The following CCN6 variants were observed in gnomAD, a reference collection of about 807,000 sequenced individuals.
The protein encoded by CCN6 is cellular communication network factor 6, also known as CCN family member 6.
Under a neutral mutation model 37.4 loss-of-function variants are expected in CCN6, and 31 were observed. The ratio of observed to expected loss-of-function variants is 0.83; its 90% CI spans 0.62 to 1.12. The LOEUF is 1.12. CCN6 is among the 50% of genes most tolerant of loss of function. CCN6 has a pLI of 0.00. For synonymous variants in CCN6, 137 were observed against 142.1 expected (o/e 0.96, Z 0.26); for missense variants, 369 against 413.8 (o/e 0.89, Z 0.94).
chr6:112,061,895 T>C (rs1438635014), intron 2 of CCN6, among the ~76,000 whole-genome samples: 2 of 152,330 alleles, frequency 1.3e-5, no homozygotes, highest in African/African-American at 4.8e-5. Context: ...TATTTAGGAT[T>C]AAACAAATAA....
chr6:112,060,058 G>A, intron 1 of CCN6: 1 of 1,366,582 alleles, frequency 7.3e-7, no homozygotes, highest in Non-Finnish European at 9.8e-7. Context: ...AGAGAACAAG[G>A]ACGCTGGTGT....
rs186117670 is a variant in CCN6 at position 112,057,130 on chromosome 6, T to C, written c.48+2725T>C. 3.3e-5 allele frequency among the ~76,000 whole-genome samples: 5 copies of C among 152,126 alleles called. No homozygotes were observed. In the East Asian group the frequency reaches 9.7e-4, roughly 29 times the overall value. On this transcript the variant is annotated intron_variant, in intron 1 of 4. Transcript: ENST00000368666. ...TGTGCATTTCATTAGAAAGAACACA[T>C]GAAAAAGCAGGGAGGAGAAAACCAA...
chr6:112,063,445 T>A (rs1554313234), intron 2 of CCN6, among the ~76,000 whole-genome samples: 1 of 152,222 alleles, frequency 6.6e-6, no homozygotes, highest in Non-Finnish European at 1.5e-5. Context: ...TTTGCCATTC[T>A]ATGCATTGTT....
Position 112,068,381 on chromosome 6 carries a change from A to G in CCN6, c.766A>G (p.Ile256Val), listed in dbSNP as rs587691290. Residue 256 changes from isoleucine (I) to valine (V), a missense_variant, in exon 4 of 5, where the codon ATA becomes GTA. By Grantham distance (29) the Ile-to-Val change is conservative. Coordinates refer to ENST00000368666, the MANE Select transcript of CCN6 (RefSeq NM_198239.2). Reference sequence around the variant, plus strand: ...TTACATTCAGCCTTGCGACAGCAATATATTAAAGACAATAAAGGTAAAGTT... The same window carrying G: ...TTACATTCAGCCTTGCGACAGCAATGTATTAAAGACAATAAAGGTAAAGTT... Reference protein sequence around the residue: ...LCYIQPCDSNILKTIKIPKGK... With the variant: ...LCYIQPCDSNVLKTIKIPKGK... 2.5e-6 allele frequency: 4 copies of G among 1,612,180 alleles called. No homozygotes were observed. The East Asian group carries it at 6.7e-5, about 27-fold the overall frequency.
chr6:112,062,329 G>T (rs1324674640), intron 2 of CCN6, among the ~76,000 whole-genome samples: 3 of 152,112 alleles, frequency 2.0e-5, no homozygotes, highest in African/African-American at 7.2e-5. Flanking sequence ...ATGAAAACAT[G>T]ACCTATCAAA....
rs782813346 is a variant in CCN6, at chr6:112,068,282, T to G, written c.667T>G (p.Cys223Gly). ...ATKWTPCSRT[C>G]GMGISNRVTN... ...AAAATGGACTCCCTGCTCCAGAACA[T>G]GTGGGATGGGAATATCTAACAGGGT... Residue 223 changes from cysteine (C) to glycine (G), a missense_variant, in exon 4 of 5, where the codon TGT (cysteine) becomes GGT (glycine). Coordinates refer to ENST00000368666, the MANE Select transcript of CCN6 (RefSeq NM_198239.2). The G allele has an allele frequency of 2.5e-6, 4 of 1,612,698 alleles. No individual in the cohort carries two copies. Among genetic ancestry groups the G allele is most frequent in the East Asian group, 2.2e-5 (1 of 44,834 alleles).
chr6:112,067,622 A>G (rs1425446376), intron 3 of CCN6, among the ~76,000 whole-genome samples: 1 of 152,194 alleles, frequency 6.6e-6, no homozygotes, highest in East Asian at 1.9e-4. Context: ...ATGAAATTAT[A>G]CGCTTGCAAT....
intron 3 of CCN6, among the ~76,000 whole-genome samples, chr6:112,065,622 G>GCGCACACA (rs782269731): frequency 1.2e-4 from 17 of 137,348 alleles, no homozygotes; most frequent in East Asian, 6.1e-4. Context: ...ACACACACAC[G>GCGCACACA]CACGCACACA....
At chr6:112,054,572 T>C (rs782289317) in intron 1 of CCN6, 167 bp downstream of exon 1, 5 of 675,652 alleles carry the variant, frequency 7.4e-6, no homozygotes, top group Non-Finnish European at 1.3e-5. Context: ...TAAAGTTCTG[T>C]GTTCGTTCAT....
At chr6:112,068,469 G>A in intron 4 of CCN6, 71 bp downstream of exon 4, 1 of 1,377,596 alleles carries the variant, frequency 7.3e-7, no homozygotes, top group Non-Finnish European at 1.0e-6. Context: ...TGTGTGTTTT[G>A]GAGGGTGGGA....
At chr6:112,067,035 A>G in intron 3 of CCN6, 1 of 1,366,306 alleles carries the variant, frequency 7.3e-7, no homozygotes, top group Non-Finnish European at 9.8e-7. Flanking sequence ...CCTTCCAGGT[A>G]TCTTCACGTT....
At chr6:112,058,924 A>T (rs1776426855) in intron 1 of CCN6, among the ~76,000 whole-genome samples, 1 of 152,192 alleles carries the variant, frequency 6.6e-6, no homozygotes, top group African/African-American at 2.4e-5. Context: ...GGGAACTGCT[A>T]GTTGAGGAGC....
intron 1 of CCN6, among the ~76,000 whole-genome samples, chr6:112,058,522 G>C (rs189197639): frequency 5.8e-4 from 88 of 152,352 alleles, no homozygotes; most frequent in African/African-American, 2.0e-3. Flanking sequence ...GCTAGTGGAA[G>C]AGATAGGCAC....
chr6:112,062,821 C>T (rs1776566747), intron 2 of CCN6, among the ~76,000 whole-genome samples: 1 of 152,150 alleles, frequency 6.6e-6, no homozygotes, highest in Non-Finnish European at 1.5e-5. Flanking sequence ...TCAAGAGCAA[C>T]ATTTTAAAAG....
At chr6:112,068,686 A>G (rs868913502) in intron 4 of CCN6, among the ~76,000 whole-genome samples, 1 of 150,246 alleles carries the variant, frequency 6.7e-6, no homozygotes, top group African/African-American at 2.5e-5. Flanking sequence ...ACATCAGAGT[A>G]GAGAAGTCCT....
rs375836805 is a variant in CCN6 at position 112,054,418 on chromosome 6, C to T, written c.48+13C>T. ...TGGCCTGGCACAGGTAAGTCCTCTC[C>T]CCCGACTCTTTCCCTTCCGGAGGCT... On this transcript the variant is annotated intron_variant, in intron 1 of 4. Coordinates refer to ENST00000368666, the MANE Select transcript of CCN6 (RefSeq NM_198239.2). The T allele has an allele frequency of 2.7e-5, 44 of 1,612,582 alleles. No individual in the cohort carries two copies. Among genetic ancestry groups the T allele is most frequent in the Non-Finnish European group, 3.6e-5 (43 of 1,179,360 alleles).
chr6:112,055,950 A>G (rs1409051968), intron 1 of CCN6, among the ~76,000 whole-genome samples: 6 of 152,176 alleles, frequency 3.9e-5, no homozygotes, highest in Non-Finnish European at 8.8e-5. Context: ...GTCATTATTA[A>G]TCCCATATTA....
upstream of CCN6, among the ~76,000 whole-genome samples, chr6:112,053,442 G>A (rs1385644226): frequency 4.6e-5 from 7 of 150,684 alleles, no homozygotes; most frequent in East Asian, 3.9e-4. Context: ...GATTACAGGC[G>A]CCTGCCACCA....
chr6:112,062,920 G>T (rs888736969), intron 2 of CCN6, among the ~76,000 whole-genome samples: 23 of 151,496 alleles, frequency 1.5e-4, no homozygotes, highest in African/African-American at 5.6e-4. Context: ...GTTTTATGTG[G>T]GTTTTATCAT....
Sources: gnomAD v4.1 joint callset for allele counts (sites outside exome capture counted in the v4.1 genomes callset) on GRCh38, gnomAD v4.1.1 for gene constraint, MANE v1.5 for transcripts, NCBI Gene and HGNC (gene_info 2026-07-23, HGNC 2026-07-21) for gene names.